CCNE2: variants seen among roughly 807,000 people sequenced by gnomAD.
The protein encoded by CCNE2 is cyclin E2, also known as G1/S-specific cyclin-E2.
A neutral mutation model predicts 56.8 loss-of-function variants in CCNE2; 18 were observed. The observed-to-expected ratio is 0.32, with a 90% CI of 0.22 to 0.47. CCNE2 has a LOEUF of 0.47. Ranked by LOEUF, CCNE2 falls within the 20% of genes least tolerant of loss-of-function variation. The pLI is 1.00. For synonymous variants in CCNE2, 139 were observed against 149.2 expected, an observed-to-expected ratio of 0.93 and a Z score of 0.50; for missense variants, 371 against 467.1, an observed-to-expected ratio of 0.79 and a Z score of 1.90.
chr8:94,882,680 C>A, intron 10 of CCNE2, 101 bp downstream of exon 10: 2 of 806,702 alleles, frequency 2.5e-6, no homozygotes, highest in South Asian at 1.8e-5. Flanking sequence ...TTTTTTTTGC[C>A]AAAGTTTTAA....
At chr8:94,890,786 G>T (rs552431662) in intron 5 of CCNE2, among the ~76,000 whole-genome samples, 1 of 151,712 alleles carries the variant, frequency 6.6e-6, no homozygotes, top group Non-Finnish European at 1.5e-5. Flanking sequence ...TAGAGATGGG[G>T]TTTCACCATG....
intron 5 of CCNE2, 43 bp from the exon 6 acceptor site, chr8:94,890,593 T>TATATATATA (rs768605534): frequency 1.1e-5 from 1 of 92,988 alleles, no homozygotes; most frequent in African/African-American, 8.0e-5. Flanking sequence ...ATATATATAT[T>TATATATATA]TTTTTTTTTT....
At chr8:94,895,276 C>T, upstream of CCNE2, 3 of 985,094 alleles carry the variant, frequency 3.0e-6, no homozygotes, top group Non-Finnish European at 3.6e-6. Context: ...AGACTGACAC[C>T]TCCGGACAGC....
chr8:94,882,856 C>G lies in CCNE2; in HGVS notation c.868G>C (p.Glu290Gln). 1 of 1,613,610 alleles carries G rather than the reference C, an allele frequency of 6.2e-7. No individual in the cohort carries two copies. Among genetic ancestry groups the G allele is most frequent in the East Asian group, 2.2e-5 (1 of 44,838 alleles). ...DLCILAIDSLEFQYRILTAAA... is the reference protein window; with the variant it reads ...DLCILAIDSLQFQYRILTAAA... ...GCAGTCAGTATTCTGTACTGGAACT[C>G]TAATGAATCAATGGCTAGAATACAC... The change falls in exon 10 of 12, where the codon GAG becomes CAG. Residue 290 changes from glutamate to glutamine, a missense_variant. By Grantham distance (29) the Glu-to-Gln change is conservative. Coordinates refer to ENST00000308108, the MANE Select transcript of CCNE2 (RefSeq NM_057749.3).
At chr8:94,895,702 G>A (rs1044722262), upstream of CCNE2, 7 of 152,234 alleles carry the variant, frequency 4.6e-5, no homozygotes. Flanking sequence ...GGGACCCGAG[G>A]GCCCGCCCCT....
chr8:94,895,354 C>A, upstream of CCNE2: 1 of 663,354 alleles, frequency 1.5e-6, no homozygotes, highest in Non-Finnish European at 1.9e-6. Flanking sequence ...TGCGCGCCCG[C>A]CACCCGGAGC....
chr8:94,891,680 ACACCATG>A, intron 5 of CCNE2: 4 of 526,432 alleles, frequency 7.6e-6, no homozygotes, highest in East Asian at 4.0e-5. Context: ...AAAAAAAAAA[ACACCATG>A]AAGTATTTTT....
intron 6 of CCNE2, 139 bp from the exon 7 acceptor site, chr8:94,888,212 C>A: frequency 1.9e-6 from 1 of 535,500 alleles, no homozygotes; most frequent in Non-Finnish European, 3.3e-6. Flanking sequence ...AAAAAAGAAA[C>A]TAAGATGTAC....
chr8:94,883,830 T>G (rs1816925913), intron 9 of CCNE2: 2 of 454,420 alleles, frequency 4.4e-6, no homozygotes, highest in African/African-American at 2.0e-5. Flanking sequence ...GGGGTAGATT[T>G]CACAGATTTG....
chr8:94,881,916 T>C (rs1816833390), intron 11 of CCNE2, 171 bp from the exon 12 acceptor site: 5 of 898,244 alleles, frequency 5.6e-6, no homozygotes, highest in South Asian at 5.6e-5. Context: ...TTTTAAACTC[T>C]TTATCTAGAC....
At chr8:94,889,859 T>C (rs1817165693) in intron 6 of CCNE2, among the ~76,000 whole-genome samples, 1 of 152,174 alleles carries the variant, frequency 6.6e-6, no homozygotes, top group Non-Finnish European at 1.5e-5. Context: ...GGCACAAATC[T>C]ATAGGGGCTT....
rs767821634 is a variant in CCNE2, at chr8:94,893,858, C to T, written c.165+33G>A. On this transcript the variant is annotated intron_variant, in intron 4 of 11. Coordinates refer to ENST00000308108, the MANE Select transcript of CCNE2 (RefSeq NM_057749.3). The stretch of plus-strand genomic sequence containing the variant: ...TCTTATTCATCTATCCTCCATTTTT[C>T]CCCCAAACCCACCCAGCCCAGTTCT... 1.9e-5 allele frequency: 30 copies of T among 1,575,172 alleles called. No individual in the cohort carries two copies. In the Admixed American group the frequency reaches 5.0e-4, roughly 26 times the overall value.
chr8:94,885,417 T>C, intron 8 of CCNE2, 46 bp downstream of exon 8: 1 of 1,241,714 alleles, frequency 8.1e-7, no homozygotes, highest in Non-Finnish European at 1.2e-6. Context: ...TGTTACTTAG[T>C]AACATGGTTT....
chr8:94,882,660 A>G (rs1816868012), intron 10 of CCNE2, 121 bp downstream of exon 10: 2 of 691,018 alleles, frequency 2.9e-6, no homozygotes, highest in South Asian at 3.6e-5. Flanking sequence ...TAATTACTGA[A>G]CAGCTAATTT....
At chr8:94,884,968 G>T in intron 9 of CCNE2, 99 bp downstream of exon 9, 1 of 1,031,354 alleles carries the variant, frequency 9.7e-7, no homozygotes, top group Non-Finnish European at 1.4e-6. Flanking sequence ...AAGGAGTGAA[G>T]TCAATATGTC....
rs1816765064 is a variant in CCNE2 at position 94,880,458 on chromosome 8, T to G, written c.*1174A>C. ...AGGGAGAAGAGATTCACATATCTGA[T>G]AACAAAATAAACTAGCAATCTAGTT... is the stretch of plus-strand genomic sequence containing the variant. On this transcript the variant is annotated 3_prime_UTR_variant, in exon 12 of 12. Transcript: ENST00000308108. The G allele has an allele frequency of 3.1e-6, 1 of 324,198 alleles. No individual in the cohort carries two copies. The highest frequency in any genetic ancestry group is 5.5e-6 in the Non-Finnish European group (1 of 181,106). The allele number at this position is 324,198 out of a possible 1,614,324, so 20.1% of individuals were successfully genotyped here.
chr8:94,892,094 T>C (rs1014115986), intron 5 of CCNE2: 30 of 647,812 alleles, frequency 4.6e-5, no homozygotes, highest in South Asian at 3.6e-4. Flanking sequence ...CAAAAACTTA[T>C]GGCACAGGAG....
intron 9 of CCNE2, chr8:94,884,055 G>A: frequency 2.7e-5 from 8 of 294,328 alleles, no homozygotes; most frequent in South Asian, 1.8e-4. Context: ...TAGGAATTCT[G>A]GATGAAAAAA....
In CCNE2 at chr8:94,885,263, G is replaced by A. The variant is rs1816992985; in HGVS notation, c.697-62C>T. 5 of 1,476,918 alleles carry A rather than the reference G, an allele frequency of 3.4e-6. No homozygotes were observed. The Admixed American group carries it at 5.2e-5, about 15-fold the overall frequency. The allele number at this position is 1,476,918 out of a possible 1,614,324, so 91.5% of individuals were successfully genotyped here. The stretch of plus-strand genomic sequence containing the variant: ...GTAGACACATACACCACATTATACA[G>A]CAGAGCTTAGAGGTTAAGTACATTC... On this transcript the variant is annotated intron_variant, in intron 8 of 11. Transcript: ENST00000308108.
Sources: gnomAD v4.1 joint callset for allele counts (sites outside exome capture counted in the v4.1 genomes callset) on GRCh38, gnomAD v4.1.1 for gene constraint, MANE v1.5 for transcripts, NCBI Gene and HGNC (gene_info 2026-07-23, HGNC 2026-07-21) for gene names.